CADPS2: variants seen among roughly 807,000 people sequenced by gnomAD.
CADPS2 encodes calcium-dependent secretion activator 2.
In CADPS2, 93 loss-of-function variants were observed where a neutral mutation model predicts 172.5. The ratio of observed to expected loss-of-function variants is 0.54; its 90% CI spans 0.46 to 0.64. The LOEUF is 0.64. Among genes scored for constraint, CADPS2 ranks in the 30% least tolerant of loss-of-function variants. The probability of loss-of-function intolerance (pLI) is 0.00; values close to 1 mark genes in which losing one functional copy is unlikely to be tolerated. For missense variants in CADPS2, 1,420 were observed against 1,565.9 expected (o/e 0.91, Z 1.57); for synonymous variants, 546 against 555.2 (o/e 0.98, Z 0.23).
At chr7:122,497,245 G>A (rs1165835560) in intron 9 of CADPS2, among the ~76,000 whole-genome samples, 7 of 151,892 alleles carry the variant, frequency 4.6e-5, no homozygotes, top group Non-Finnish European at 1.0e-4. Context: ...AACAACTGGG[G>A]TTTTTAAAGC....
intron 28 of CADPS2, chr7:122,330,883 C>T (rs940290793): frequency 6.6e-6 from 1 of 152,206 alleles, no homozygotes; most frequent in Non-Finnish European, 1.5e-5. Context: ...GTCTGTTACG[C>T]ACCTTCTCTA....
chr7:122,625,651 G>GT (rs1321240963), intron 4 of CADPS2, among the ~76,000 whole-genome samples: 2 of 151,938 alleles, frequency 1.3e-5, no homozygotes, highest in African/African-American at 4.8e-5. Context: ...ACTTAAGACT[G>GT]TAACATCAAC....
intron 2 of CADPS2, among the ~76,000 whole-genome samples, chr7:122,706,811 C>A (rs774566332): frequency 6.8e-6 from 1 of 146,722 alleles, no homozygotes; most frequent in Non-Finnish European, 1.5e-5. Context: ...CACACACACA[C>A]ATATATATAT....
In CADPS2 at chr7:122,629,231, C is replaced by G. The variant is rs756738103; in HGVS notation, c.867+17G>C. ...AAGAAAGGAATGTCATACAGTATGTCCAAGTTAATAATTTACCTTTGCCAT... is the reference window on the plus strand; with the variant it reads ...AAGAAAGGAATGTCATACAGTATGTGCAAGTTAATAATTTACCTTTGCCAT... On this transcript the variant is annotated intron_variant, in intron 4 of 29. Transcript: ENST00000449022. 5 of 1,594,832 alleles carry G rather than the reference C, an allele frequency of 3.1e-6. No individual in the cohort carries two copies. The African/African-American group carries it at 5.4e-5, about 17-fold the overall frequency.
chr7:122,748,783 AT>A (rs2092826568), intron 1 of CADPS2, among the ~76,000 whole-genome samples: 2 of 152,066 alleles, frequency 1.3e-5, no homozygotes, highest in African/African-American at 2.4e-5. Flanking sequence ...TATGATAAAC[AT>A]TAAGGTCTAT....
At chr7:122,794,902 A>C (rs1589244028) in intron 1 of CADPS2, among the ~76,000 whole-genome samples, 1 of 152,158 alleles carries the variant, frequency 6.6e-6, no homozygotes, top group Non-Finnish European at 1.5e-5. Context: ...GGACATATCA[A>C]GAAGTTCTTT....
chr7:122,587,009 C>T (rs2069818453), intron 6 of CADPS2, among the ~76,000 whole-genome samples: 1 of 151,312 alleles, frequency 6.6e-6, no homozygotes, highest in African/African-American at 2.4e-5. Context: ...AATTTTATAA[C>T]AGAAAACATT....
chr7:122,583,482 C>T (rs554938981), intron 6 of CADPS2, among the ~76,000 whole-genome samples: 1 of 151,600 alleles, frequency 6.6e-6, no homozygotes, highest in Non-Finnish European at 1.5e-5. Context: ...CAGCATTTTA[C>T]CTTTAAGTGT....
At chr7:122,862,988 C>T (rs1245690769) in intron 1 of CADPS2, among the ~76,000 whole-genome samples, 2 of 152,138 alleles carry the variant, frequency 1.3e-5, no homozygotes, top group African/African-American at 4.8e-5. Flanking sequence ...ATGCTGTCAA[C>T]ACTATTCTCT....
At chr7:122,791,990 G>C (rs1038434274) in intron 1 of CADPS2, among the ~76,000 whole-genome samples, 1 of 152,156 alleles carries the variant, frequency 6.6e-6, no homozygotes, top group Non-Finnish European at 1.5e-5. Flanking sequence ...GTAGACAACA[G>C]ATCAATTCCC....
intron 18 of CADPS2, 120 bp from the exon 19 acceptor site, chr7:122,414,196 T>C: frequency 1.7e-6 from 1 of 573,880 alleles, no homozygotes; most frequent in South Asian, 4.8e-5. Flanking sequence ...TATAGTGATA[T>C]TTATGAATAA....
At chr7:122,512,891 C>G (rs1450283541) in intron 9 of CADPS2, among the ~76,000 whole-genome samples, 1 of 152,080 alleles carries the variant, frequency 6.6e-6, no homozygotes, top group Non-Finnish European at 1.5e-5. Context: ...CTTTTTCACA[C>G]TTTTTCTCCC....
chr7:122,398,923 C>A (rs1486651571), intron 20 of CADPS2, among the ~76,000 whole-genome samples: 2 of 152,024 alleles, frequency 1.3e-5, no homozygotes, highest in African/African-American at 4.8e-5. Context: ...CCAAGAACAT[C>A]CCATTTAAGT....
intron 1 of CADPS2, among the ~76,000 whole-genome samples, chr7:122,880,773 A>T (rs1822714859): frequency 6.6e-6 from 1 of 152,206 alleles, no homozygotes; most frequent in Admixed American, 6.5e-5. Flanking sequence ...ATATCAAAAC[A>T]TTTAGGTAAC....
chr7:122,375,083 A>G (rs190290180), intron 25 of CADPS2, among the ~76,000 whole-genome samples: 1 of 152,310 alleles, frequency 6.6e-6, no homozygotes, highest in East Asian at 1.9e-4. Context: ...ATGTTCATGA[A>G]TTACAATAAT....
chr7:122,723,541 A>G (rs2090728294), intron 2 of CADPS2, among the ~76,000 whole-genome samples: 1 of 152,182 alleles, frequency 6.6e-6, no homozygotes, highest in African/African-American at 2.4e-5. Context: ...GGTGCTGGAG[A>G]GGATGTGGAG....
rs548072428 is a variant in CADPS2, at chr7:122,476,188, T to A, written c.1862-1671A>T. On this transcript the variant is annotated intron_variant, in intron 12 of 29. Transcript: ENST00000449022. Reference sequence around the variant, plus strand: ...TCAGCAAAAAAATCTTTTAGTATCATTTTTATGAAACTAAATTACTAGTTT... The same window carrying A: ...TCAGCAAAAAAATCTTTTAGTATCAATTTTATGAAACTAAATTACTAGTTT... Among the ~76,000 whole-genome samples, 4 of 152,210 alleles carry A rather than the reference T, an allele frequency of 2.6e-5. No individual in the cohort carries two copies. The South Asian group carries it at 8.3e-4, about 32-fold the overall frequency.
chr7:122,704,474 T>C (rs1305221112), intron 2 of CADPS2, among the ~76,000 whole-genome samples: 1 of 152,064 alleles, frequency 6.6e-6, no homozygotes, highest in Non-Finnish European at 1.5e-5. Context: ...GTTAAATCTG[T>C]GATTATTTAA....
intron 4 of CADPS2, among the ~76,000 whole-genome samples, chr7:122,627,849 A>G (rs1435980106): frequency 2.6e-5 from 4 of 152,158 alleles, no homozygotes; most frequent in African/African-American, 9.7e-5. Context: ...TCAATACAGG[A>G]TAGGACTTGG....
Sources: gnomAD v4.1 joint callset for allele counts (sites outside exome capture counted in the v4.1 genomes callset) on GRCh38, gnomAD v4.1.1 for gene constraint, MANE v1.5 for transcripts, NCBI Gene and HGNC (gene_info 2026-07-23, HGNC 2026-07-21) for gene names.